Variants in MAPKAP1 observed in about 807,000 individuals in gnomAD.
MAPKAP1 encodes MAPK associated protein 1.
MAPKAP1 carries 20 observed loss-of-function variants against 65.7 expected under a neutral mutation model. The observed-to-expected ratio is 0.30, with a 90% CI of 0.21 to 0.44. MAPKAP1 has a LOEUF of 0.44. MAPKAP1 is among the 20% of genes least tolerant of loss of function. The probability of loss-of-function intolerance (pLI) is 1.00; values close to 1 mark genes in which losing one functional copy is unlikely to be tolerated. For synonymous variants in MAPKAP1, 222 were observed against 244.3 expected (o/e 0.91, Z 0.85); for missense variants, 423 against 648.0 (o/e 0.65, Z 3.77).
At position 125,468,003 on chromosome 9, in the gene MAPKAP1, A is replaced by T. The variant is rs1244476626; in HGVS notation, c.1314T>A (p.Cys438Ter). The change falls in exon 10 of 12, where the codon TGT (cysteine) becomes TGA (stop). Residue 438 changes from cysteine to a stop codon, truncating the protein, a stop_gained. Transcript: ENST00000265960. LOFTEE classifies it high-confidence loss of function. Reference protein sequence around the residue: ...KPISIDSDLLCACDLAEEKSP... With the variant: ...KPISIDSDLL ...TTTTCTCTTCAGCAAGGTCACAGGC[A>T]CAGAGCAGGTCGGAATCGATTGAGA... is the stretch of plus-strand genomic sequence containing the variant. The T allele has an allele frequency of 6.2e-7, 1 of 1,614,224 alleles. No individual in the cohort carries two copies. The highest frequency in any genetic ancestry group is 8.5e-7 in the Non-Finnish European group (1 of 1,180,048).
chr9:125,538,847 C>T (rs1046679410), intron 7 of MAPKAP1, among the ~76,000 whole-genome samples: 2 of 152,094 alleles, frequency 1.3e-5, no homozygotes, highest in Admixed American at 6.5e-5. Context: ...AGTGAATGTA[C>T]GACATAGCTA....
intron 11 of MAPKAP1, among the ~76,000 whole-genome samples, chr9:125,442,148 A>AG (rs1181242991): frequency 6.6e-6 from 1 of 151,416 alleles, no homozygotes; most frequent in African/African-American, 2.4e-5. Flanking sequence ...AAAAAAAAAA[A>AG]AAAAAAATCA....
intron 5 of MAPKAP1, 138 bp downstream of exon 5, chr9:125,585,417 C>A: frequency 1.2e-6 from 1 of 846,692 alleles, no homozygotes; most frequent in Non-Finnish European, 1.9e-6. Context: ...GGCGCGAGAC[C>A]TGGTGAGCAC....
At chr9:125,617,884 G>A (rs1180642737) in intron 4 of MAPKAP1, among the ~76,000 whole-genome samples, 2 of 152,134 alleles carry the variant, frequency 1.3e-5, no homozygotes, top group Non-Finnish European at 2.9e-5. Context: ...CCCAAAACGG[G>A]TGATAGGTAC....
chr9:125,607,539 GC>G (rs1832473685), intron 4 of MAPKAP1, among the ~76,000 whole-genome samples: 1 of 152,248 alleles, frequency 6.6e-6, no homozygotes, highest in African/African-American at 2.4e-5. Context: ...AAGTTACACA[GC>G]TAGTGAAGCG....
At chr9:125,586,361 C>T (rs1831785063) in intron 4 of MAPKAP1, among the ~76,000 whole-genome samples, 1 of 152,196 alleles carries the variant, frequency 6.6e-6, no homozygotes, top group African/African-American at 2.4e-5. Context: ...CCACTCTGCC[C>T]TCAAGAGCTG....
chr9:125,706,186 G>A (rs1056353690), intron 1 of MAPKAP1, among the ~76,000 whole-genome samples: 20 of 152,194 alleles, frequency 1.3e-4, no homozygotes, highest in Admixed American at 8.5e-4. Context: ...CTAGGCTTCT[G>A]CTCAAGTGGG....
intron 7 of MAPKAP1, among the ~76,000 whole-genome samples, chr9:125,518,229 T>C (rs950200682): frequency 3.3e-5 from 5 of 152,226 alleles, no homozygotes; most frequent in Non-Finnish European, 5.9e-5. Flanking sequence ...TAGGAAACTA[T>C]TAAATAAATT....
chr9:125,660,462 C>G lies in MAPKAP1; in HGVS notation c.350-2663G>C, dbSNP rs186840317. On this transcript the variant is annotated intron_variant, in intron 3 of 11. Transcript: ENST00000265960. ...AAGTAAATAAATAAAAAGGGAAACC[C>G]CAAGTAAATATCTTCTACATGCTAG... Among the ~76,000 whole-genome samples the G allele has an allele frequency of 5.3e-3, 802 of 152,202 alleles. 6 individuals are homozygous for G. Among genetic ancestry groups the G allele is most frequent in the Admixed American group, 9.3e-3 (143 of 15,296 alleles).
Position 125,439,766 on chromosome 9 carries a change from G to A in MAPKAP1, c.1444-754C>T, listed in dbSNP as rs1852414168. 6.6e-6 allele frequency among the ~76,000 whole-genome samples: 1 copy of A among 152,248 alleles called. No individual in the cohort carries two copies. The highest frequency in any genetic ancestry group is 2.4e-5 in the African/African-American group (1 of 41,470). On this transcript the variant is annotated intron_variant, in intron 11 of 11. Coordinates refer to ENST00000265960, the MANE Select transcript of MAPKAP1 (RefSeq NM_001006617.3). This position sits in a 1 kb window ranked among gnomAD's most constrained non-coding sequence, Gnocchi z 4.0. ...CTGTGTAGCAGCTGCACCGCCAGGCGCTTCCCCAGCGCTACAGCGCTGAGA... is the reference window on the plus strand; with the variant it reads ...CTGTGTAGCAGCTGCACCGCCAGGCACTTCCCCAGCGCTACAGCGCTGAGA...
intron 4 of MAPKAP1, among the ~76,000 whole-genome samples, chr9:125,616,397 C>G (rs1832749212): frequency 6.6e-6 from 1 of 152,030 alleles, no homozygotes; most frequent in Non-Finnish European, 1.5e-5. Flanking sequence ...TTAAAAAGCA[C>G]CAAAAAGAGA....
At chr9:125,632,235 A>AAAAAAG (rs1237222125) in intron 4 of MAPKAP1, among the ~76,000 whole-genome samples, 20 of 131,428 alleles carry the variant, frequency 1.5e-4, no homozygotes, top group South Asian at 1.3e-3. Flanking sequence ...GAAAAAAAAA[A>AAAAAAG]AAGAAGAAAC....
chr9:125,543,876 G>A (rs959502527), intron 6 of MAPKAP1, among the ~76,000 whole-genome samples: 1 of 152,116 alleles, frequency 6.6e-6, no homozygotes, highest in Non-Finnish European at 1.5e-5. Flanking sequence ...GTCACTACAG[G>A]CAGATACTGC....
At chr9:125,670,817 T>G (rs1248487363) in intron 2 of MAPKAP1, among the ~76,000 whole-genome samples, 2 of 152,228 alleles carry the variant, frequency 1.3e-5, no homozygotes, top group East Asian at 3.8e-4. Context: ...CAGTTTTCTC[T>G]TGCTAATCTT....
At chr9:125,457,362 TA>T (rs1202041795) in intron 10 of MAPKAP1, among the ~76,000 whole-genome samples, 1 of 152,220 alleles carries the variant, frequency 6.6e-6, no homozygotes, top group Non-Finnish European at 1.5e-5. Context: ...TCTTAAGTTT[TA>T]ATTTTTCTTC....
At chr9:125,479,580 CAAAA>C (rs1173012841) in intron 9 of MAPKAP1, among the ~76,000 whole-genome samples, 2 of 114,276 alleles carry the variant, frequency 1.8e-5, no homozygotes, top group Non-Finnish European at 1.8e-5. Context: ...AACTCCATCT[CAAAA>C]AAAAAAAAAA....
chr9:125,689,220 G>A (rs903172340), intron 1 of MAPKAP1, among the ~76,000 whole-genome samples: 4 of 149,866 alleles, frequency 2.7e-5, no homozygotes, highest in Admixed American at 6.6e-5. Context: ...GGCGGATCAC[G>A]AAGTCAGGAG....
rs148292506 is a variant in MAPKAP1, at chr9:125,515,062, T to C, written c.959-8645A>G. ...GACAACCGCTGTAGCTTATACCCCC[T>C]CTGAGGCTCAGATTGGATAGTTTGG... On this transcript the variant is annotated intron_variant, in intron 7 of 11. Coordinates refer to ENST00000265960, the MANE Select transcript of MAPKAP1 (RefSeq NM_001006617.3). Among the ~76,000 whole-genome samples the C allele has an allele frequency of 2.9e-3, 448 of 152,180 alleles. 6 individuals are homozygous for C. The highest frequency in any genetic ancestry group is 0.027 in the Admixed American group (409 of 15,276).
At chr9:125,582,149 TA>T (rs1315018624) in intron 5 of MAPKAP1, among the ~76,000 whole-genome samples, 1 of 152,222 alleles carries the variant, frequency 6.6e-6, no homozygotes, top group Non-Finnish European at 1.5e-5. Context: ...TATCCCAAAG[TA>T]TTTTTTACTT....
Sources: allele counts gnomAD v4.1 joint callset (sites outside exome capture counted in the v4.1 genomes callset), GRCh38; gene constraint gnomAD v4.1.1; non-coding constraint Gnocchi (gnomAD v3.1); transcripts MANE v1.5; gene names NCBI Gene and HGNC (gene_info 2026-07-23, HGNC 2026-07-21).